Variants in ATP5PD observed in about 807,000 individuals in gnomAD.
ATP5PD encodes ATP synthase peripheral stalk subunit d.
In ATP5PD, 13 loss-of-function variants were observed where a neutral mutation model predicts 22.6. That is an observed-to-expected ratio of 0.58 (90% CI 0.37 to 0.91). The LOEUF is 0.91. Among genes scored for constraint, ATP5PD ranks in the 40% least tolerant of loss-of-function variants. ATP5PD has a pLI of 0.00. For synonymous variants in ATP5PD, 51 were observed against 65.0 expected, an observed-to-expected ratio of 0.79 and a Z score of 1.03; for missense variants, 165 against 188.0, an observed-to-expected ratio of 0.88 and a Z score of 0.72.
At chr17:75,039,983 A>G (rs1223828716) in intron 4 of ATP5PD, 109 bp downstream of exon 4, 2 of 1,143,858 alleles carry the variant, frequency 1.7e-6, no homozygotes, top group Non-Finnish European at 2.6e-6. Flanking sequence ...TCATTCCTTT[A>G]TATGGCTGTT....
intron 1 of ATP5PD, among the ~76,000 whole-genome samples, chr17:75,044,068 G>A (rs1400264592): frequency 7.0e-6 from 1 of 142,772 alleles, no homozygotes; most frequent in Non-Finnish European, 1.5e-5. Flanking sequence ...TCTGTCCCCC[G>A]GGCTGGAGTG....
At chr17:75,044,695 C>T (rs530263451) in intron 1 of ATP5PD, among the ~76,000 whole-genome samples, 7 of 152,098 alleles carry the variant, frequency 4.6e-5, no homozygotes, top group African/African-American at 1.4e-4. Context: ...ATACAGAAAA[C>T]GACTACAGCC....
In ATP5PD at chr17:75,039,195, C is replaced by G. The variant is rs751675154; in HGVS notation, c.354+14G>C. The G allele has an allele frequency of 6.2e-7, 1 of 1,613,846 alleles. No homozygotes were observed. The highest frequency in any genetic ancestry group is 8.5e-7 in the Non-Finnish European group (1 of 1,179,760). On this transcript the variant is annotated intron_variant, in intron 5 of 5. Transcript: ENST00000301587. Reference sequence around the variant, plus strand: ...GAACCCATATTATAGGCAACGGCTACCCATCATCCTTACCTCTTTCTCATA... The same window carrying G: ...GAACCCATATTATAGGCAACGGCTAGCCATCATCCTTACCTCTTTCTCATA...
At chr17:75,044,232 T>A (rs1454263435) in intron 1 of ATP5PD, among the ~76,000 whole-genome samples, 301 of 84,554 alleles carry the variant, frequency 3.6e-3, no homozygotes, top group African/African-American at 0.017. Context: ...GGAGTCTCGC[T>A]CTGTCGCCCA....
intron 1 of ATP5PD, among the ~76,000 whole-genome samples, chr17:75,044,299 G>A (rs1286416862): frequency 8.9e-6 from 1 of 112,168 alleles, no homozygotes; most frequent in Non-Finnish European, 1.6e-5. Flanking sequence ...TCCGCTTCCC[G>A]GGTTCACGCC....
intron 3 of ATP5PD, 49 bp downstream of exon 3, chr17:75,042,132 A>G: frequency 6.6e-7 from 1 of 1,507,936 alleles, no homozygotes; most frequent in Non-Finnish European, 9.2e-7. Flanking sequence ...CCTGCTCCCT[A>G]CCCACAGGCA....
intron 3 of ATP5PD, chr17:75,040,374 G>T (rs371474881): frequency 5.1e-6 from 3 of 591,528 alleles, no homozygotes; most frequent in African/African-American, 3.7e-5. Flanking sequence ...GGAGCTCAAG[G>T]GTCTTCTCAG....
At chr17:75,039,153 T>C (rs144012337) in intron 5 of ATP5PD, 56 bp downstream of exon 5, 15 of 1,612,040 alleles carry the variant, frequency 9.3e-6, no homozygotes, top group African/African-American at 6.7e-5. Flanking sequence ...GTGAAAGATG[T>C]GTGGTCATGA....
intron 4 of ATP5PD, 190 bp from the exon 5 acceptor site, chr17:75,039,461 A>G: frequency 1.7e-6 from 1 of 574,750 alleles, no homozygotes. Context: ...AGAGAAGCCC[A>G]TATGGAAAAC....
chr17:75,043,234 A>AAGGAC (rs1284637836), intron 1 of ATP5PD, among the ~76,000 whole-genome samples: 1 of 152,220 alleles, frequency 6.6e-6, no homozygotes, highest in Non-Finnish European at 1.5e-5. Context: ...AAGAAAAGGA[A>AAGGAC]AGGACAGTGT....
At chr17:75,039,181 A>G (rs752289142) in intron 5 of ATP5PD, 28 bp downstream of exon 5, 1 of 1,613,718 alleles carries the variant, frequency 6.2e-7, no homozygotes, top group South Asian at 1.1e-5. Flanking sequence ...AACCCATATT[A>G]TAGGCAACGG....
At chr17:75,042,725 T>C (rs768861153) in intron 1 of ATP5PD, 66 bp from the exon 2 acceptor site, 65 of 1,468,644 alleles carry the variant, frequency 4.4e-5, no homozygotes, top group Non-Finnish European at 5.9e-5. Context: ...GGAAAAATGA[T>C]AAATAACAAA....
In ATP5PD at chr17:75,046,947, C is replaced by A. The variant is rs984427386; in HGVS notation, c.-32G>T. The A allele has an allele frequency of 1.2e-5, 2 of 163,698 alleles. No homozygotes were observed. Among genetic ancestry groups the A allele is most frequent in the Non-Finnish European group, 2.6e-5 (2 of 75,788 alleles). The allele number at this position is 163,698 out of a possible 1,614,324, so 10.1% of individuals were successfully genotyped here. On this transcript the variant is annotated 5_prime_UTR_variant, in exon 1 of 6. Coordinates refer to ENST00000301587, the MANE Select transcript of ATP5PD (RefSeq NM_006356.3). The stretch of plus-strand genomic sequence containing the variant: ...CACCTTCACCGACCCTGGCTGCCCA[C>A]GGTCCTCCGCAGCAAGTAACGGAAG...
Sources: gnomAD v4.1 joint callset for allele counts (sites outside exome capture counted in the v4.1 genomes callset) on GRCh38, gnomAD v4.1.1 for gene constraint, MANE v1.5 for transcripts, NCBI Gene and HGNC (gene_info 2026-07-23, HGNC 2026-07-21) for gene names.